The following NDUFS4 variants were observed in gnomAD, a reference collection of about 807,000 sequenced individuals.
NDUFS4 encodes the protein NADH:ubiquinone oxidoreductase subunit S4, also known as NADH dehydrogenase [ubiquinone] iron-sulfur protein 4, mitochondrial.
A neutral mutation model predicts 24.3 loss-of-function variants in NDUFS4; 28 were observed. The observed-to-expected ratio is 1.15, with a 90% CI of 0.85 to 1.58. NDUFS4 has a LOEUF of 1.58. Among genes scored for constraint, NDUFS4 ranks in the 40% most tolerant of loss-of-function variants. The probability of loss-of-function intolerance (pLI) is 0.00; values close to 1 mark genes in which losing one functional copy is unlikely to be tolerated. For missense variants in NDUFS4, 223 were observed against 207.9 expected, an observed-to-expected ratio of 1.07 and a Z score of -0.45; for synonymous variants, 93 against 69.7, an observed-to-expected ratio of 1.34 and a Z score of -1.67.
At chr5:53,643,259 A>G (rs1751754323) in intron 2 of NDUFS4, among the ~76,000 whole-genome samples, 1 of 152,136 alleles carries the variant, frequency 6.6e-6, no homozygotes, top group South Asian at 2.1e-4. Flanking sequence ...AAAATAAGAA[A>G]TTTGTAAAAG....
At chr5:53,616,497 A>C (rs1239458438) in intron 2 of NDUFS4, among the ~76,000 whole-genome samples, 1 of 152,162 alleles carries the variant, frequency 6.6e-6, no homozygotes, top group East Asian at 1.9e-4. Context: ...ATCTGAATTG[A>C]TGAGAAAGAA....
chr5:53,678,319 TCA>T (rs959674111), intron 4 of NDUFS4, among the ~76,000 whole-genome samples: 12 of 152,296 alleles, frequency 7.9e-5, no homozygotes, highest in Admixed American at 2.6e-4. Flanking sequence ...TGAAAGCGTT[TCA>T]GTGTGTGAAA....
At chr5:53,678,521 G>A (rs1482776276) in intron 4 of NDUFS4, among the ~76,000 whole-genome samples, 1 of 152,028 alleles carries the variant, frequency 6.6e-6, no homozygotes, top group Non-Finnish European at 1.5e-5. Flanking sequence ...GCAAGGGGCT[G>A]GTTTTCAGTA....
chr5:53,612,819 A>G (rs1402423508), intron 2 of NDUFS4, among the ~76,000 whole-genome samples: 1 of 152,108 alleles, frequency 6.6e-6, no homozygotes, highest in Non-Finnish European at 1.5e-5. Flanking sequence ...TTTTTTGTCA[A>G]TTTGTAATAG....
chr5:53,613,259 G>A (rs943558752), intron 2 of NDUFS4, among the ~76,000 whole-genome samples: 55 of 152,070 alleles, frequency 3.6e-4, no homozygotes, highest in South Asian at 1.0e-3. Context: ...CTTTACTCAC[G>A]CAGCATTCTT....
chr5:53,621,192 G>A (rs1019338073), intron 2 of NDUFS4, among the ~76,000 whole-genome samples: 2 of 152,084 alleles, frequency 1.3e-5, no homozygotes, highest in African/African-American at 4.8e-5. Context: ...CTTATGTGAT[G>A]TCCCTCTTTA....
Position 53,581,999 on chromosome 5 carries a change from C to T in NDUFS4, c.98+21239C>T, listed in dbSNP as rs577598093. Among the ~76,000 whole-genome samples the T allele has an allele frequency of 5.9e-5, 9 of 152,208 alleles. No individual in the cohort carries two copies. The East Asian group carries it at 1.7e-3, about 30-fold the overall frequency. ...GGCCGAGGCAGGTGGATCATGAGGT[C>T]AGGAGATTGAGACCATCCTGGCTAA... On this transcript the variant is annotated intron_variant, in intron 1 of 4. Coordinates refer to ENST00000296684, the MANE Select transcript of NDUFS4 (RefSeq NM_002495.4).
intron 3 of NDUFS4, among the ~76,000 whole-genome samples, chr5:53,657,092 G>A (rs1380970001): frequency 6.6e-6 from 1 of 152,058 alleles, no homozygotes; most frequent in African/African-American, 2.4e-5. Context: ...ATCTTTGCAG[G>A]AAACAGAGTT....
intron 1 of NDUFS4, among the ~76,000 whole-genome samples, chr5:53,579,277 GATA>G (rs1749480358): frequency 6.6e-6 from 1 of 152,112 alleles, no homozygotes; most frequent in Non-Finnish European, 1.5e-5. Context: ...TTTCAAATTA[GATA>G]ATATTTTATA....
intron 3 of NDUFS4, among the ~76,000 whole-genome samples, chr5:53,654,030 CTCTT>C (rs1272132772): frequency 3.9e-5 from 6 of 152,020 alleles, no homozygotes; most frequent in Non-Finnish European, 7.4e-5. Context: ...TAGCCAATTT[CTCTT>C]TCTTGCCTTG....
At chr5:53,615,500 C>T (rs1232348339) in intron 2 of NDUFS4, among the ~76,000 whole-genome samples, 3 of 151,980 alleles carry the variant, frequency 2.0e-5, no homozygotes, top group African/African-American at 4.8e-5. Context: ...TTCTATTCTA[C>T]TCTTCAAAAT....
At position 53,643,446 on chromosome 5, in the gene NDUFS4, G is replaced by T. The variant is rs115502549; in HGVS notation, c.178-2787G>T. ...TTTTGTGAAAGTTAGATCTCAGGTA[G>T]CTCCGTGTGAATTTAGAGGGAACCA... is the stretch of plus-strand genomic sequence containing the variant. On this transcript the variant is annotated intron_variant, in intron 2 of 4. Coordinates refer to ENST00000296684, the MANE Select transcript of NDUFS4 (RefSeq NM_002495.4). Among the ~76,000 whole-genome samples the T allele has an allele frequency of 4.3e-3, 654 of 152,196 alleles. 1 individual carries two copies. The highest frequency in any genetic ancestry group is 7.8e-3 in the Non-Finnish European group (530 of 68,002).
intron 2 of NDUFS4, among the ~76,000 whole-genome samples, chr5:53,643,979 A>G (rs1751773185): frequency 1.3e-5 from 2 of 152,166 alleles, no homozygotes; most frequent in Admixed American, 1.3e-4. Context: ...ATGAGTTCAA[A>G]ATATAAATAG....
chr5:53,594,551 A>G (rs566567945), intron 1 of NDUFS4, among the ~76,000 whole-genome samples: 1 of 151,632 alleles, frequency 6.6e-6, no homozygotes, highest in South Asian at 2.1e-4. Flanking sequence ...CATTAATATT[A>G]ATGTCTATTG....
intron 1 of NDUFS4, among the ~76,000 whole-genome samples, chr5:53,586,256 G>C (rs1311316991): frequency 6.7e-6 from 1 of 148,956 alleles, no homozygotes. Context: ...ATGAACCTGG[G>C]AGATGGAAGT....
chr5:53,626,906 T>G (rs1043179245), intron 2 of NDUFS4, among the ~76,000 whole-genome samples: 4 of 152,230 alleles, frequency 2.6e-5, no homozygotes, highest in South Asian at 2.1e-4. Context: ...ATATGTCTAT[T>G]TTGACTTTTG....
At chr5:53,593,674 A>G (rs968307201) in intron 1 of NDUFS4, among the ~76,000 whole-genome samples, 1 of 151,034 alleles carries the variant, frequency 6.6e-6, no homozygotes, top group Non-Finnish European at 1.5e-5. Flanking sequence ...CTTTTCTAAT[A>G]TATGCATTCA....
intron 4 of NDUFS4, among the ~76,000 whole-genome samples, chr5:53,661,241 C>A (rs1329157030): frequency 6.6e-6 from 1 of 152,114 alleles, no homozygotes; most frequent in Non-Finnish European, 1.5e-5. Flanking sequence ...TTCCCAGCAC[C>A]ATTTCTTAAA....
chr5:53,570,850 A>G (rs988385163), intron 1 of NDUFS4, among the ~76,000 whole-genome samples: 8 of 151,400 alleles, frequency 5.3e-5, no homozygotes, highest in African/African-American at 1.7e-4. Context: ...TGCCCGGCTA[A>G]TTTTTGTATT....
Sources: gnomAD v4.1 joint callset for allele counts (sites outside exome capture counted in the v4.1 genomes callset) on GRCh38, gnomAD v4.1.1 for gene constraint, MANE v1.5 for transcripts, NCBI Gene and HGNC (gene_info 2026-07-23, HGNC 2026-07-21) for gene names.